Variants in LDLRAD4 observed in about 807,000 individuals in gnomAD.
The protein encoded by LDLRAD4 is low-density lipoprotein receptor class A domain-containing protein 4.
LDLRAD4 carries 5 observed loss-of-function variants against 17.0 expected under a neutral mutation model. The observed-to-expected ratio is 0.29, with a 90% confidence interval of 0.15 to 0.62. The LOEUF (loss-of-function observed/expected upper bound fraction) is 0.62. Among genes scored for constraint, LDLRAD4 ranks in the 20% least tolerant of loss-of-function variants. The pLI is 0.84. For synonymous variants in LDLRAD4, 168 were observed against 171.8 expected, an observed-to-expected ratio of 0.98 and a Z score of 0.17; for missense variants, 340 against 424.7, an observed-to-expected ratio of 0.80 and a Z score of 1.75.
At chr18:13,283,988 C>T (rs1025946939) in intron 1 of LDLRAD4, among the ~76,000 whole-genome samples, 8 of 152,136 alleles carry the variant, frequency 5.3e-5, no homozygotes, top group South Asian at 2.1e-4. Context: ...TTCACTATCA[C>T]GAGAATGGCA....
intron 3 of LDLRAD4, among the ~76,000 whole-genome samples, chr18:13,562,372 C>T (rs966167361): frequency 5.3e-5 from 8 of 152,212 alleles, no homozygotes; most frequent in East Asian, 1.9e-4. Context: ...CAGCCTGCCT[C>T]GTTTCTCCAC....
intron 1 of LDLRAD4, among the ~76,000 whole-genome samples, chr18:13,224,224 A>G (rs942811974): frequency 1.3e-5 from 2 of 152,164 alleles, no homozygotes; most frequent in Non-Finnish European, 2.9e-5. Flanking sequence ...GAGAAAGACA[A>G]AGCAACAGTC....
chr18:13,511,065 G>A (rs778271237), intron 3 of LDLRAD4, among the ~76,000 whole-genome samples: 10 of 152,130 alleles, frequency 6.6e-5, no homozygotes, highest in African/African-American at 2.2e-4. Context: ...TTCAAGCCTG[G>A]ATTAGTTCAC....
At chr18:13,434,443 C>T (rs564824198) in intron 2 of LDLRAD4, among the ~76,000 whole-genome samples, 88 of 152,206 alleles carry the variant, frequency 5.8e-4, no homozygotes, top group African/African-American at 1.8e-3. Flanking sequence ...CAGTATTATA[C>T]ATCTGAGGTT....
chr18:13,364,254 T>C (rs1030895411), intron 1 of LDLRAD4, among the ~76,000 whole-genome samples: 3 of 152,238 alleles, frequency 2.0e-5, no homozygotes, highest in Non-Finnish European at 4.4e-5. Context: ...AATTTACTTA[T>C]CTGTATTTTC....
At chr18:13,219,520 G>A in intron 1 of LDLRAD4, among the ~76,000 whole-genome samples, 1 of 152,076 alleles carries the variant, frequency 6.6e-6, no homozygotes, top group Non-Finnish European at 1.5e-5. Context: ...CATATTTATT[G>A]AGGGCCTACT....
chr18:13,516,429 A>C (rs2093867509), intron 3 of LDLRAD4, among the ~76,000 whole-genome samples: 2 of 152,208 alleles, frequency 1.3e-5, no homozygotes, highest in African/African-American at 4.8e-5. Context: ...TTGGTGGCAC[A>C]GTACAGATCC....
At chr18:13,260,904 C>T (rs750837119) in intron 1 of LDLRAD4, among the ~76,000 whole-genome samples, 7 of 152,246 alleles carry the variant, frequency 4.6e-5, no homozygotes, top group Non-Finnish European at 8.8e-5. Flanking sequence ...CTCCCTATGG[C>T]CTCCCTGGGC....
intron 3 of LDLRAD4, among the ~76,000 whole-genome samples, chr18:13,577,691 G>A (rs2094795032): frequency 6.6e-6 from 1 of 152,130 alleles, no homozygotes; most frequent in Non-Finnish European, 1.5e-5. Context: ...ATGAATAAAT[G>A]GAACCTTAAT....
intron 3 of LDLRAD4, among the ~76,000 whole-genome samples, chr18:13,448,140 A>G (rs546535114): frequency 6.6e-6 from 1 of 152,328 alleles, no homozygotes; most frequent in South Asian, 2.1e-4. Flanking sequence ...TACTGCCCAG[A>G]ATGCAGAATG....
chr18:13,544,910 T>C lies in LDLRAD4; in HGVS notation c.182-76207T>C, dbSNP rs1346602447. The stretch of plus-strand genomic sequence containing the variant: ...CTTTTTTTTTTTTTTTTTTTTTTAA[T>C]GTGCTCCTTTTATTTTCCAAATTTT... On this transcript the variant is annotated intron_variant, in intron 3 of 5. Coordinates refer to ENST00000359446, the Ensembl canonical transcript of LDLRAD4. 2.7e-5 allele frequency among the ~76,000 whole-genome samples: 4 copies of C among 148,160 alleles called. 1 individual carries two copies. The South Asian group carries it at 6.5e-4, about 24-fold the overall frequency.
intron 1 of LDLRAD4, among the ~76,000 whole-genome samples, chr18:13,335,826 G>A (rs1358787853): frequency 6.6e-6 from 1 of 152,162 alleles, no homozygotes; most frequent in Non-Finnish European, 1.5e-5. Context: ...GAAATACGTG[G>A]CTAGTTTAAT....
At chr18:13,411,541 T>C (rs1240692965) in intron 2 of LDLRAD4, among the ~76,000 whole-genome samples, 3 of 152,178 alleles carry the variant, frequency 2.0e-5, no homozygotes, top group African/African-American at 7.2e-5. Context: ...GATGAGTCTT[T>C]CCTATGCTGT....
At chr18:13,571,010 G>C (rs1449718406) in intron 3 of LDLRAD4, among the ~76,000 whole-genome samples, 1 of 151,996 alleles carries the variant, frequency 6.6e-6, no homozygotes, top group African/African-American at 2.4e-5. Context: ...TGTGGAGATG[G>C]GGTCTTGCTA....
At chr18:13,323,529 T>G (rs2081363141) in intron 1 of LDLRAD4, among the ~76,000 whole-genome samples, 2 of 152,200 alleles carry the variant, frequency 1.3e-5, no homozygotes, top group African/African-American at 2.4e-5. Context: ...GGGCCGTGAC[T>G]CAAGTGAGGT....
intron 1 of LDLRAD4, among the ~76,000 whole-genome samples, chr18:13,322,658 C>T (rs2143398223): frequency 6.6e-6 from 1 of 151,968 alleles, no homozygotes; most frequent in East Asian, 1.9e-4. Flanking sequence ...CGCTCTGTCA[C>T]CCAGGCTGGA....
chr18:13,596,593 CCTT>C lies in LDLRAD4; in HGVS notation c.182-24523_182-24521del, dbSNP rs147284750. 2.1e-3 allele frequency among the ~76,000 whole-genome samples: 319 copies of C among 152,230 alleles called. 1 individual carries two copies. The highest frequency in any genetic ancestry group is 7.4e-3 in the African/African-American group (306 of 41,558). Reference sequence around the variant, plus strand: ...GCTGTTTTCTCTTTTTTTATGCTCTCCTTGTTATACACATTAGCTCTCTATGTT... The same window carrying C: ...GCTGTTTTCTCTTTTTTTATGCTCTCGTTATACACATTAGCTCTCTATGTT... On this transcript the variant is annotated intron_variant, in intron 3 of 5. Coordinates refer to ENST00000359446, the Ensembl canonical transcript of LDLRAD4.
rs1567900682 is a variant in LDLRAD4, at chr18:13,219,234, A to G, written c.-467+246A>G. On this transcript the variant is annotated intron_variant, in intron 1 of 5. Transcript: ENST00000399848. ...CTGGAGGGACACCTCGTCGCCAGTCAGGGCAGCTAGAAGCTCTTTAAAGCA... is the reference window on the plus strand; with the variant it reads ...CTGGAGGGACACCTCGTCGCCAGTCGGGGCAGCTAGAAGCTCTTTAAAGCA... Among the ~76,000 whole-genome samples the G allele has an allele frequency of 5.3e-5, 8 of 152,212 alleles. No individual in the cohort carries two copies. In the South Asian group the frequency reaches 1.5e-3, roughly 28 times the overall value.
chr18:13,227,437 G>A (rs758688303), intron 1 of LDLRAD4, among the ~76,000 whole-genome samples: 16 of 152,162 alleles, frequency 1.1e-4, no homozygotes, highest in Admixed American at 2.0e-4. Context: ...ATCAGGTGGG[G>A]AGACCCTCAT....
Sources: gnomAD v4.1 joint callset for allele counts (sites outside exome capture counted in the v4.1 genomes callset) on GRCh38, gnomAD v4.1.1 for gene constraint, MANE v1.5 for transcripts, NCBI Gene and HGNC (gene_info 2026-07-23, HGNC 2026-07-21) for gene names.